The following NEUROD1 variants were observed in gnomAD, a reference collection of about 807,000 sequenced individuals.
NEUROD1 encodes neuronal differentiation 1.
In NEUROD1, 9 loss-of-function variants were observed where a neutral mutation model predicts 21.8. The observed-to-expected ratio is 0.41, with a 90% CI of 0.25 to 0.72. NEUROD1 has a LOEUF of 0.72. Ranked by LOEUF, NEUROD1 falls within the 30% of genes least tolerant of loss-of-function variation. The pLI is 0.31. For missense variants in NEUROD1, 434 were observed against 468.8 expected (o/e 0.93, Z 0.69); for synonymous variants, 199 against 186.2 (o/e 1.07, Z -0.56).
chr2:181,680,109 G>A (rs1292521198), intron 1 of NEUROD1, among the ~76,000 whole-genome samples: 1 of 152,112 alleles, frequency 6.6e-6, no homozygotes, highest in Non-Finnish European at 1.5e-5. Flanking sequence ...AGAAAGTGAA[G>A]TCATTATTGC....
exon 2 of NEUROD1, among the ~76,000 whole-genome samples, chr2:181,670,419 A>G (rs888215138): frequency 2.0e-5 from 3 of 152,328 alleles, no homozygotes; most frequent in East Asian, 3.9e-4. Flanking sequence ...TGGTTGTTAT[A>G]TACTGTATCA....
In NEUROD1 at chr2:181,678,348, C is replaced by A. The variant is rs1313105572; in HGVS notation, c.513G>T (p.Thr171=). 6 of 1,614,196 alleles carry A rather than the reference C, an allele frequency of 3.7e-6. No individual in the cohort carries two copies. The highest frequency in any genetic ancestry group is 1.6e-4 in the Middle Eastern group (1 of 6,062). ...KSPDLVSFVQ[T]LCKGLSQPTT... ...TGGGTTGGGATAAGCCCTTGCAAAG[C>A]GTCTGAACGAAGGAGACCAGGTCTG... The change falls in exon 2 of 2, where the codon ACG becomes ACT. Residue 171 remains threonine, a synonymous_variant. Transcript: ENST00000295108. The surrounding 1 kb of genome is among the most constrained non-coding windows in gnomAD (Gnocchi z 5.5).
chr2:181,675,753 G>T (rs1313897034), downstream of NEUROD1, among the ~76,000 whole-genome samples: 1 of 152,034 alleles, frequency 6.6e-6, no homozygotes, highest in Non-Finnish European at 1.5e-5. Context: ...CAAAGGGTGG[G>T]GGGAGGAAAT....
exon 2 of NEUROD1, among the ~76,000 whole-genome samples, chr2:181,671,166 C>T (rs13032132): frequency 0.43 from 64,748 of 151,696 alleles, 15,463 homozygotes; most frequent in South Asian, 0.77. Context: ...AAGATCTCTT[C>T]GCTTAATATT....
Position 181,678,176 on chromosome 2 carries a change from G to C in NEUROD1, c.685C>G (p.Pro229Ala). ...YSYQSPGLPSPPYGTMDSSHV... is the reference protein window; with the variant it reads ...YSYQSPGLPSAPYGTMDSSHV... Reference sequence around the variant, plus strand: ...GAGCTGTCCATGGTACCGTAAGGCGGACTGGGCAGCCCAGGCGACTGGTAG... The same window carrying C: ...GAGCTGTCCATGGTACCGTAAGGCGCACTGGGCAGCCCAGGCGACTGGTAG... Residue 229 changes from proline (P) to alanine (A), a missense_variant, in exon 2 of 2, where the codon CCG becomes GCG. Physicochemically the swap from Pro to Ala is conservative, Grantham distance 27. Coordinates refer to ENST00000295108, the MANE Select transcript of NEUROD1 (RefSeq NM_002500.5). The surrounding 1 kb of genome is among the most constrained non-coding windows in gnomAD (Gnocchi z 5.5). The C allele has an allele frequency of 1.2e-6, 2 of 1,614,168 alleles. No individual in the cohort carries two copies. The highest frequency in any genetic ancestry group is 1.7e-6 in the Non-Finnish European group (2 of 1,180,024).
At chr2:181,679,347 T>C (rs1018034121) in intron 1 of NEUROD1, among the ~76,000 whole-genome samples, 1 of 151,974 alleles carries the variant, frequency 6.6e-6, no homozygotes, top group Non-Finnish European at 1.5e-5. Context: ...GCGATTTAAG[T>C]TGAACAGCCA....
chr2:181,669,746 C>T (rs1021873067), downstream of NEUROD1, among the ~76,000 whole-genome samples: 11 of 152,082 alleles, frequency 7.2e-5, no homozygotes, highest in African/African-American at 2.2e-4. Context: ...CCAACTATCC[C>T]AAAACAAACA....
downstream of NEUROD1, chr2:181,672,965 T>C (rs1486694104): frequency 6.6e-6 from 1 of 152,218 alleles, no homozygotes; most frequent in African/African-American, 2.4e-5. Context: ...ACTTACTCTA[T>C]CTCTCCATAT....
At position 181,677,956 on chromosome 2, in the gene NEUROD1, T is replaced by G. The variant is rs1352948821; in HGVS notation, c.905A>C (p.His302Pro). Reference sequence around the variant, plus strand: ...CCCTGCCAGTGTCGCTGCAGGATAGTGCATGGTAAAGGCATAATTTTTCTC... The same window carrying G: ...CCCTGCCAGTGTCGCTGCAGGATAGGGCATGGTAAAGGCATAATTTTTCTC... Reference protein sequence around the residue: ...EFEKNYAFTMHYPAATLAGAQ... With the variant: ...EFEKNYAFTMPYPAATLAGAQ... Residue 302 changes from histidine to proline, a missense_variant, in exon 2 of 2, where the codon CAC (histidine) becomes CCC (proline). By Grantham distance (77) the His-to-Pro change is moderately conservative. Transcript: ENST00000295108. 6.2e-7 allele frequency: 1 copy of G among 1,614,112 alleles called. No homozygotes were observed. Among genetic ancestry groups the G allele is most frequent in the African/African-American group, 1.3e-5 (1 of 74,928 alleles).
chr2:181,678,112 C>T lies in NEUROD1; in HGVS notation c.749G>A (p.Ser250Asn), dbSNP rs576169853. 6.2e-7 allele frequency: 1 copy of T among 1,614,172 alleles called. No homozygotes were observed. Among genetic ancestry groups the T allele is most frequent in the East Asian group, 2.2e-5 (1 of 44,880 alleles). ...FHVKPPPHAY[S>N]AALEPFFESP... ...TTCAAAGAAGGGCTCCAGCGCTGCG[C>T]TGTAGGCGTGCGGCGGAGGCTTAAC... Residue 250 changes from serine (S) to asparagine (N), a missense_variant, in exon 2 of 2, where the codon AGC becomes AAC. By Grantham distance (46) the Ser-to-Asn change is conservative. Coordinates refer to ENST00000295108, the MANE Select transcript of NEUROD1 (RefSeq NM_002500.5). This position sits in a 1 kb window ranked among gnomAD's most constrained non-coding sequence, Gnocchi z 5.5.
chr2:181,675,500 T>A (rs1026368980), downstream of NEUROD1, among the ~76,000 whole-genome samples: 26 of 152,200 alleles, frequency 1.7e-4, no homozygotes, highest in African/African-American at 6.0e-4. Flanking sequence ...AGTCATCCAA[T>A]GTGGCACCCG....
chr2:181,675,096 G>A (rs991706513), downstream of NEUROD1, among the ~76,000 whole-genome samples: 3 of 152,120 alleles, frequency 2.0e-5, no homozygotes, highest in African/African-American at 7.2e-5. Context: ...GTCTCTTAAA[G>A]TAAGAACAGT....
exon 2 of NEUROD1, among the ~76,000 whole-genome samples, chr2:181,671,274 A>G (rs184455753): frequency 9.2e-5 from 14 of 152,276 alleles, no homozygotes; most frequent in African/African-American, 2.9e-4. Flanking sequence ...GCCTCTATTA[A>G]CAAAGAAATT....
downstream of NEUROD1, among the ~76,000 whole-genome samples, chr2:181,675,484 G>C (rs867482320): frequency 2.0e-5 from 3 of 152,260 alleles, no homozygotes; most frequent in Admixed American, 1.3e-4. Context: ...GCTTGGGAAG[G>C]GGGGTAGTCA....
At chr2:181,679,485 C>T (rs571898380) in intron 1 of NEUROD1, among the ~76,000 whole-genome samples, 31 of 152,336 alleles carry the variant, frequency 2.0e-4, no homozygotes, top group Middle Eastern at 3.4e-3. Flanking sequence ...TAACATTTGG[C>T]AACAAAAGTG....
chr2:181,675,605 C>A (rs1365855364), downstream of NEUROD1, among the ~76,000 whole-genome samples: 1 of 151,780 alleles, frequency 6.6e-6, no homozygotes, highest in Admixed American at 6.6e-5. Flanking sequence ...CCCTAGGAAT[C>A]ATGACTGTCA....
rs767141079 is a variant in NEUROD1, at chr2:181,678,743, CCTT to C, written c.115_117del (p.Lys39del). 6.2e-7 allele frequency: 1 copy of C among 1,612,878 alleles called. No individual in the cohort carries two copies. Among genetic ancestry groups the C allele is most frequent in the Non-Finnish European group, 8.5e-7 (1 of 1,179,192 alleles). On this transcript the variant is annotated inframe_deletion, in exon 2 of 2. Coordinates refer to ENST00000295108, the MANE Select transcript of NEUROD1 (RefSeq NM_002500.5). This position sits in a 1 kb window ranked among gnomAD's most constrained non-coding sequence, Gnocchi z 5.5. ...GCGTTCATGGTTTCGAGGTCGTCCTCCTTCTTGTCTGCCTCGTGCTCCTCGTCC... is the reference window on the plus strand; with the variant it reads ...GCGTTCATGGTTTCGAGGTCGTCCTCCTTGTCTGCCTCGTGCTCCTCGTCC...
exon 2 of NEUROD1, among the ~76,000 whole-genome samples, chr2:181,670,779 G>A (rs1028973152): frequency 3.4e-4 from 52 of 152,032 alleles, no homozygotes; most frequent in African/African-American, 1.2e-3. Flanking sequence ...GCCTTCACAT[G>A]CCATTCTTCC....
At chr2:181,668,482 T>C (rs1688451416), downstream of NEUROD1, among the ~76,000 whole-genome samples, 1 of 152,168 alleles carries the variant, frequency 6.6e-6, no homozygotes, top group Non-Finnish European at 1.5e-5. Flanking sequence ...CTATCTCATA[T>C]AGTTAAGAGA....
Sources: allele counts gnomAD v4.1 joint callset (sites outside exome capture counted in the v4.1 genomes callset), GRCh38; gene constraint gnomAD v4.1.1; non-coding constraint Gnocchi (gnomAD v3.1); transcripts MANE v1.5; gene names NCBI Gene and HGNC (gene_info 2026-07-23, HGNC 2026-07-21).